CTTNBP2: variants seen among roughly 807,000 people sequenced by gnomAD.
The protein encoded by CTTNBP2 is cortactin binding protein 2.
A neutral mutation model predicts 156.9 loss-of-function variants in CTTNBP2; 108 were observed. The ratio of observed to expected loss-of-function variants is 0.69; its 90% CI spans 0.59 to 0.81. The LOEUF (loss-of-function observed/expected upper bound fraction) is 0.81, where lower values mean the gene tolerates loss of function less well. Among genes scored for constraint, CTTNBP2 ranks in the 30% least tolerant of loss-of-function variants. The probability of loss-of-function intolerance (pLI) is 0.00; values close to 1 mark genes in which losing one functional copy is unlikely to be tolerated. For synonymous variants in CTTNBP2, 767 were observed against 751.8 expected, an observed-to-expected ratio of 1.02 and a Z score of -0.33; for missense variants, 1,924 against 2,035.4, an observed-to-expected ratio of 0.95 and a Z score of 1.05.
chr7:117,742,590 T>C (rs1481486432), intron 14 of CTTNBP2, among the ~76,000 whole-genome samples: 2 of 151,926 alleles, frequency 1.3e-5, no homozygotes, highest in East Asian at 3.9e-4. Context: ...ACCGTCTATG[T>C]AAAAGTGAGG....
chr7:117,864,776 A>ATATATTCATATATATTCATTC (rs1213162741), intron 1 of CTTNBP2, among the ~76,000 whole-genome samples: 5 of 135,106 alleles, frequency 3.7e-5, no homozygotes, highest in African/African-American at 1.2e-4. Flanking sequence ...TTCATTCAAT[A>ATATATTCATATATATTCATTC]TATATTCATA....
Position 117,777,595 on chromosome 7 carries a change from C to G in CTTNBP2, c.2694G>C (p.Lys898Asn), listed in dbSNP as rs760708928. The G allele has an allele frequency of 2.5e-6, 4 of 1,614,016 alleles. No homozygotes were observed. The South Asian group carries it at 4.4e-5, about 18-fold the overall frequency. ...TAATGAGGTCTGCAGGAACAACAGGCTTGGATATGCCTTCAGGACTCTCTT... is the reference window on the plus strand; with the variant it reads ...TAATGAGGTCTGCAGGAACAACAGGGTTGGATATGCCTTCAGGACTCTCTT... The part of the protein sequence containing the change: ...GGEESPEGIS[K>N]PVVPADLINH... The change falls in exon 8 of 23, where the codon AAG becomes AAC. Residue 898 changes from lysine (K) to asparagine (N), a missense_variant. Lys to Asn is a moderately conservative substitution (Grantham distance 94, BLOSUM62 0). Coordinates refer to ENST00000160373, the MANE Select transcript of CTTNBP2 (RefSeq NM_033427.3).
At chr7:117,851,398 CACA>C (rs948608349) in intron 2 of CTTNBP2, among the ~76,000 whole-genome samples, 10 of 152,150 alleles carry the variant, frequency 6.6e-5, no homozygotes, top group African/African-American at 2.4e-4. Context: ...CTCACACACA[CACA>C]ACAAATTACA....
At chr7:117,793,639 G>A (rs1219544664) in intron 3 of CTTNBP2, 1 of 152,182 alleles carries the variant, frequency 6.6e-6, no homozygotes, top group East Asian at 1.9e-4. Context: ...TCCCTTCCTT[G>A]GATTTCCCTA....
At chr7:117,730,539 G>A (rs553505422) in intron 16 of CTTNBP2, among the ~76,000 whole-genome samples, 1 of 152,276 alleles carries the variant, frequency 6.6e-6, no homozygotes, top group African/African-American at 2.4e-5. Context: ...CAGTCCAGTG[G>A]TGAAATAGCA....
chr7:117,871,706 A>G (rs1263195840), intron 1 of CTTNBP2: 2 of 165,684 alleles, frequency 1.2e-5, no homozygotes, highest in African/African-American at 4.8e-5. Context: ...GTTAATTGTC[A>G]GGTGATTAAA....
intron 22 of CTTNBP2, among the ~76,000 whole-genome samples, chr7:117,712,976 G>A (rs1219723978): frequency 6.6e-6 from 1 of 152,180 alleles, no homozygotes; most frequent in African/African-American, 2.4e-5. Context: ...ACGTGAGCGG[G>A]GGCGAGCCAG....
At position 117,786,391 on chromosome 7, in the gene CTTNBP2, G is replaced by A. The variant is rs768613823; in HGVS notation, c.2069-1937C>T. The A allele has an allele frequency of 3.8e-5, 17 of 446,568 alleles. No homozygotes were observed. In the East Asian group the frequency reaches 1.3e-3, roughly 33 times the overall value. 27.7% of individuals were successfully genotyped at this position (446,568 alleles called of 1,614,324 possible). On this transcript the variant is annotated intron_variant, in intron 4 of 22. Transcript: ENST00000160373. Reference sequence around the variant, plus strand: ...TATTTTTACTTCATACTTACAAGAAGGCTCCTCTCTGGTACATTTTACCTT... The same window carrying A: ...TATTTTTACTTCATACTTACAAGAAAGCTCCTCTCTGGTACATTTTACCTT...
At chr7:117,832,180 C>T (rs1801650975) in intron 2 of CTTNBP2, among the ~76,000 whole-genome samples, 1 of 152,172 alleles carries the variant, frequency 6.6e-6, no homozygotes, top group Non-Finnish European at 1.5e-5. Flanking sequence ...TCACTTCCCC[C>T]CTGCCCACAG....
chr7:117,718,094 CTTAAATCATCCCTGGAATCAGCAAT>C lies in CTTNBP2; in HGVS notation c.4645_4669del (p.Ile1549GlyfsTer19), dbSNP rs781380844. 1.9e-5 allele frequency: 31 copies of C among 1,612,534 alleles called. No homozygotes were observed. The South Asian group carries it at 2.7e-4, about 14-fold the overall frequency. ...GTTGTTTCCAGAACTATCAAACATC[CTTAAATCATCCCTGGAATCAGCAAT>C]CTAGAAAATACAGAATTTGCCCGGT... is the stretch of plus-strand genomic sequence containing the variant. On this transcript the variant is annotated frameshift_variant and splice_region_variant, in exon 22 of 23. Transcript: ENST00000160373. LOFTEE classifies it high-confidence loss of function.
intron 2 of CTTNBP2, among the ~76,000 whole-genome samples, chr7:117,848,497 A>C (rs1031504870): frequency 5.3e-5 from 8 of 152,212 alleles, no homozygotes; most frequent in African/African-American, 1.9e-4. Context: ...CAATATCTCC[A>C]ATTTGAAGAG....
intron 2 of CTTNBP2, among the ~76,000 whole-genome samples, chr7:117,813,595 C>T (rs1409461486): frequency 1.3e-5 from 2 of 152,156 alleles, no homozygotes; most frequent in Admixed American, 6.5e-5. Context: ...ACTCATGGAT[C>T]TTTATCTAAA....
At chr7:117,718,142 G>C in intron 21 of CTTNBP2, 23 bp from the exon 22 acceptor site, 3 of 1,477,060 alleles carry the variant, frequency 2.0e-6, no homozygotes, top group Non-Finnish European at 2.8e-6. Flanking sequence ...GAATTTGCCC[G>C]GTCATGTCTC....
chr7:117,757,507 A>G (rs1796947235), intron 11 of CTTNBP2, among the ~76,000 whole-genome samples: 1 of 139,360 alleles, frequency 7.2e-6, no homozygotes, highest in Admixed American at 7.3e-5. Context: ...TGATCATCGT[A>G]TTAAGCATTA....
At position 117,728,171 on chromosome 7, in the gene CTTNBP2, A is replaced by G. The variant is rs1332164209; in HGVS notation, c.3973T>C (p.Leu1325=). The change falls in exon 17 of 23, where the codon TTG becomes CTG. Residue 1325 remains leucine, a synonymous_variant. Coordinates refer to ENST00000160373, the MANE Select transcript of CTTNBP2 (RefSeq NM_033427.3). ...WRQLNSCLAR[L]GTPEALLGPK... ...CCAAGAAGTGCTTCAGGTGTGCCCAAGCGGGCCAGGCAGGAGTTAAGCTGA... is the reference window on the plus strand; with the variant it reads ...CCAAGAAGTGCTTCAGGTGTGCCCAGGCGGGCCAGGCAGGAGTTAAGCTGA... 3.1e-6 allele frequency: 5 copies of G among 1,614,202 alleles called. No homozygotes were observed. Among genetic ancestry groups the G allele is most frequent in the Non-Finnish European group, 4.2e-6 (5 of 1,180,012 alleles).
At chr7:117,747,760 G>A (rs551641157) in intron 12 of CTTNBP2, among the ~76,000 whole-genome samples, 12 of 152,254 alleles carry the variant, frequency 7.9e-5, no homozygotes, top group African/African-American at 1.4e-4. Flanking sequence ...GCAACAGAGC[G>A]AAACCCTGTC....
intron 8 of CTTNBP2, among the ~76,000 whole-genome samples, chr7:117,767,545 T>C (rs1797550955): frequency 6.6e-6 from 1 of 152,184 alleles, no homozygotes; most frequent in Admixed American, 6.5e-5. Flanking sequence ...ACAAAAAGAC[T>C]TTTGCTATAA....
At chr7:117,832,905 C>T (rs528442435) in intron 2 of CTTNBP2, among the ~76,000 whole-genome samples, 6 of 108,014 alleles carry the variant, frequency 5.6e-5, no homozygotes, top group East Asian at 5.6e-4. Context: ...TGCCACCACA[C>T]CCGGCTTTTT....
At chr7:117,773,267 C>A (rs898387427) in intron 8 of CTTNBP2, among the ~76,000 whole-genome samples, 1 of 152,178 alleles carries the variant, frequency 6.6e-6, no homozygotes, top group African/African-American at 2.4e-5. Flanking sequence ...AGTGTTGGGG[C>A]GTCATGTGGA....
Sources: allele counts gnomAD v4.1 joint callset (sites outside exome capture counted in the v4.1 genomes callset), GRCh38; gene constraint gnomAD v4.1.1; transcripts MANE v1.5; gene names NCBI Gene and HGNC (gene_info 2026-07-23, HGNC 2026-07-21).